The following ZNF569 variants were observed in gnomAD, a reference collection of about 807,000 sequenced individuals.
ZNF569 encodes the protein DNA-binding protein.
Under a neutral mutation model 56.3 loss-of-function variants are expected in ZNF569, and 38 were observed. The observed-to-expected ratio is 0.68, with a 90% confidence interval of 0.52 to 0.88. The LOEUF is 0.88. Among genes scored for constraint, ZNF569 ranks in the 40% least tolerant of loss-of-function variants. The pLI is 0.00. For missense variants in ZNF569, 666 were observed against 809.2 expected, an observed-to-expected ratio of 0.82 and a Z score of 2.15; for synonymous variants, 241 against 262.9, an observed-to-expected ratio of 0.92 and a Z score of 0.81.
intron 5 of ZNF569, among the ~76,000 whole-genome samples, chr19:37,425,082 G>C (rs2041104278): frequency 6.6e-6 from 1 of 151,856 alleles, no homozygotes; most frequent in South Asian, 2.1e-4. Flanking sequence ...TCGCGCCACT[G>C]TACTCCACAG....
At position 37,414,033 on chromosome 19, in the gene ZNF569, T is replaced by C; in HGVS notation, c.625A>G (p.Thr209Ala). 1 of 1,613,532 alleles carries C rather than the reference T, an allele frequency of 6.2e-7. No homozygotes were observed. Among genetic ancestry groups the C allele is most frequent in the East Asian group, 2.2e-5 (1 of 44,856 alleles). ...CTACATTCATAGGGCTTCTCTCCAG[T>C]ATGAATTCTCAGATGTCTGATGAGG... The part of the protein sequence containing the change: ...LDLIRHLRIH[T>A]GEKPYECSNC... Residue 209 changes from threonine to alanine, a missense_variant, in exon 6 of 6, where the codon ACT becomes GCT. Physicochemically the swap from Thr to Ala is moderately conservative, Grantham distance 58. Coordinates refer to ENST00000316950, the MANE Select transcript of ZNF569 (RefSeq NM_152484.3).
rs1484086564 is a variant in ZNF569, at chr19:37,457,518, T to C, written c.-44+7795A>G. Among the ~76,000 whole-genome samples, 3 of 152,220 alleles carry C rather than the reference T, an allele frequency of 2.0e-5. No individual in the cohort carries two copies. In the East Asian group the frequency reaches 5.8e-4, roughly 29 times the overall value. On this transcript the variant is annotated intron_variant, in intron 2 of 5. Coordinates refer to ENST00000316950, the MANE Select transcript of ZNF569 (RefSeq NM_152484.3). ...GAATACTATGCAACCATAAAAAGGA[T>C]AAGTTCATGTCCTTTGTAGGGACAT...
rs140548901 is a variant in ZNF569 at position 37,420,160 on chromosome 19, T to G, written c.238+5708A>C. On this transcript the variant is annotated intron_variant, in intron 5 of 5. Transcript: ENST00000316950. ...CGCCACCACGCCAGGCTAATTTTTTTTGTGTTTTTAGTAGAGACGGGGTTT... is the reference window on the plus strand; with the variant it reads ...CGCCACCACGCCAGGCTAATTTTTTGTGTGTTTTTAGTAGAGACGGGGTTT... 8.0e-3 allele frequency among the ~76,000 whole-genome samples: 1,209 copies of G among 151,916 alleles called. 16 individuals are homozygous for G. The highest frequency in any genetic ancestry group is 0.028 in the African/African-American group (1,152 of 41,398).
At chr19:37,463,568 C>T (rs1056522943) in intron 2 of ZNF569, among the ~76,000 whole-genome samples, 1 of 152,182 alleles carries the variant, frequency 6.6e-6, no homozygotes, top group African/African-American at 2.4e-5. Flanking sequence ...ATGACTGTTA[C>T]TGCTTTATGT....
Position 37,413,005 on chromosome 19 carries a change from T to C in ZNF569, c.1653A>G (p.Glu551=), listed in dbSNP as rs751670579. The C allele has an allele frequency of 1.9e-6, 3 of 1,613,668 alleles. No homozygotes were observed. Among genetic ancestry groups the C allele is most frequent in the East Asian group, 2.2e-5 (1 of 44,830 alleles). The change falls in exon 6 of 6, where the codon GAA becomes GAG. Residue 551 remains glutamate, a synonymous_variant. Coordinates refer to ENST00000316950, the MANE Select transcript of ZNF569 (RefSeq NM_152484.3). ...LRSHTGEKPY[E]CDKCGKAFSQ... Reference sequence around the variant, plus strand: ...AGAAGGCTTTACCACATTTATCACATTCATAAGGCTTTTCCCCTGTATGAC... The same window carrying C: ...AGAAGGCTTTACCACATTTATCACACTCATAAGGCTTTTCCCCTGTATGAC...
At chr19:37,441,322 T>C (rs1430528016) in intron 3 of ZNF569, among the ~76,000 whole-genome samples, 1 of 152,176 alleles carries the variant, frequency 6.6e-6, no homozygotes, top group East Asian at 1.9e-4. Context: ...AGTTCCCATG[T>C]AGCACAGACC....
At chr19:37,434,683 A>C (rs781246294) in intron 3 of ZNF569, among the ~76,000 whole-genome samples, 1 of 152,250 alleles carries the variant, frequency 6.6e-6, no homozygotes, top group Non-Finnish European at 1.5e-5. Context: ...AAAAGAAGTG[A>C]AAATAGCCTT....
In ZNF569 at chr19:37,412,999, A is replaced by G. The variant is rs1363263871; in HGVS notation, c.1659T>C (p.Asp553=). The G allele has an allele frequency of 1.2e-6, 2 of 1,613,772 alleles. No individual in the cohort carries two copies. The highest frequency in any genetic ancestry group is 1.7e-5 in the Admixed American group (1 of 59,986). ...SHTGEKPYEC[D]KCGKAFSQCS... ...ACTGAGAGAAGGCTTTACCACATTT[A>G]TCACATTCATAAGGCTTTTCCCCTG... is the stretch of plus-strand genomic sequence containing the variant. The change falls in exon 6 of 6, where the codon GAT becomes GAC. Residue 553 remains aspartate, a synonymous_variant. Transcript: ENST00000316950.
intron 2 of ZNF569, among the ~76,000 whole-genome samples, chr19:37,457,097 C>T (rs76591967): frequency 0.03 from 4,593 of 152,184 alleles, 216 homozygotes; most frequent in African/African-American, 0.096. Context: ...CCTCTCTTTC[C>T]TTCTCTAAAA....
chr19:37,417,536 A>G (rs1490171705), intron 5 of ZNF569, among the ~76,000 whole-genome samples: 1 of 152,036 alleles, frequency 6.6e-6, no homozygotes, highest in African/African-American at 2.4e-5. Context: ...GGCGTGGGCC[A>G]CCACACCTGG....
chr19:37,445,672 A>G (rs1038708045), intron 2 of ZNF569, among the ~76,000 whole-genome samples: 2 of 152,228 alleles, frequency 1.3e-5, no homozygotes, highest in African/African-American at 2.4e-5. Context: ...TGAGAATCAA[A>G]TCAAGAACTC....
chr19:37,463,008 T>C (rs1249227819), intron 2 of ZNF569, among the ~76,000 whole-genome samples: 1 of 152,204 alleles, frequency 6.6e-6, no homozygotes, highest in Non-Finnish European at 1.5e-5. Context: ...ACATTCCAAG[T>C]CAGTTTTTCC....
intron 2 of ZNF569, among the ~76,000 whole-genome samples, chr19:37,453,472 C>T (rs2041626444): frequency 6.6e-6 from 1 of 152,142 alleles, no homozygotes; most frequent in Admixed American, 6.5e-5. Flanking sequence ...GGTATTTTTG[C>T]TTGGTGTGAA....
chr19:37,413,425 T>C lies in ZNF569; in HGVS notation c.1233A>G (p.Glu411=). 6.2e-7 allele frequency: 1 copy of C among 1,613,742 alleles called. No individual in the cohort carries two copies. The highest frequency in any genetic ancestry group is 8.5e-7 in the Non-Finnish European group (1 of 1,179,866). Reference sequence around the variant, plus strand: ...TGAAGGCTTTTCTGCATTCCTTACATTCATAGGGTTTCTCACCAGTGTGAC... The same window carrying C: ...TGAAGGCTTTTCTGCATTCCTTACACTCATAGGGTTTCTCACCAGTGTGAC... ...MRSHTGEKPY[E]CKECRKAFSH... Residue 411 remains glutamate, a synonymous_variant, in exon 6 of 6, where the codon GAA becomes GAG. Coordinates refer to ENST00000316950, the MANE Select transcript of ZNF569 (RefSeq NM_152484.3).
intron 3 of ZNF569, among the ~76,000 whole-genome samples, chr19:37,430,052 A>C (rs1196156563): frequency 1.3e-5 from 2 of 152,090 alleles, no homozygotes; most frequent in African/African-American, 4.8e-5. Flanking sequence ...GAAATCAGCT[A>C]GGTGTGGTGG....
intron 2 of ZNF569, chr19:37,455,004 T>C: frequency 3.4e-6 from 2 of 596,848 alleles, no homozygotes; most frequent in Non-Finnish European, 5.9e-6. Flanking sequence ...ATTTCCTTGT[T>C]GTACGGTAGA....
In ZNF569 at chr19:37,444,979, A is replaced by G. The variant is rs2146940368; in HGVS notation, c.-43-15T>C. 2 of 1,590,716 alleles carry G rather than the reference A, an allele frequency of 1.3e-6. No homozygotes were observed. The highest frequency in any genetic ancestry group is 8.5e-7 in the Non-Finnish European group (1 of 1,170,960). ...CAGAAGTAGAGCTGGGGAAGAGAAT[A>G]AAAGTCATTAAAATAGGCCTGTCTT... On this transcript the variant is annotated splice_polypyrimidine_tract_variant and intron_variant, in intron 2 of 5. Transcript: ENST00000316950.
chr19:37,433,437 A>T (rs1393180778), intron 3 of ZNF569, among the ~76,000 whole-genome samples: 1 of 152,214 alleles, frequency 6.6e-6, no homozygotes, highest in East Asian at 1.9e-4. Flanking sequence ...AGTTTATTCG[A>T]TGGGATAACA....
chr19:37,417,573 C>T (rs771391862), intron 5 of ZNF569, among the ~76,000 whole-genome samples: 2 of 152,088 alleles, frequency 1.3e-5, no homozygotes, highest in Non-Finnish European at 2.9e-5. Context: ...CTAAGTTACC[C>T]AGCTTGTGGT....
Sources: allele counts gnomAD v4.1 joint callset (sites outside exome capture counted in the v4.1 genomes callset), GRCh38; gene constraint gnomAD v4.1.1; transcripts MANE v1.5; gene names NCBI Gene and HGNC (gene_info 2026-07-23, HGNC 2026-07-21).